Variants in NEBL observed in about 807,000 individuals in gnomAD.
NEBL encodes LIM and SH3 protein 2.
Under a neutral mutation model 140.2 loss-of-function variants are expected in NEBL, and 122 were observed. The ratio of observed to expected loss-of-function variants is 0.87; its 90% CI spans 0.75 to 1.01. The LOEUF is 1.01. NEBL is among the 50% of genes least tolerant of loss of function. NEBL has a pLI of 0.00. For missense variants in NEBL, 1,365 were observed against 1,231.3 expected (o/e 1.11, Z -1.62); for synonymous variants, 436 against 398.9 (o/e 1.09, Z -1.11).
Position 20,845,347 on chromosome 10 carries a change from C to T in NEBL, c.1138G>A (p.Glu380Lys). The change falls in exon 12 of 28, where the codon GAG becomes AAG. Residue 380 changes from glutamate to lysine, a missense_variant. Physicochemically the swap from Glu to Lys is moderately conservative, Grantham distance 56. This residue lies in a region of NEBL where 1,323 missense variants were observed against 1,154.8 expected (regional missense o/e 1.15). Coordinates refer to ENST00000377122, the MANE Select transcript of NEBL (RefSeq NM_006393.3). ...GATGACCTTCCTTTAATCTCCTTCT[C>T]AAAATCCTCTTTGTAAACTTTCTGT... is the stretch of plus-strand genomic sequence containing the variant. ...QSEKVYKEDFEKEIKGRSSLD... is the reference protein window; with the variant it reads ...QSEKVYKEDFKKEIKGRSSLD... 2 of 1,597,982 alleles carry T rather than the reference C, an allele frequency of 1.3e-6. No homozygotes were observed. Among genetic ancestry groups the T allele is most frequent in the Non-Finnish European group, 1.7e-6 (2 of 1,165,906 alleles).
intron 1 of NEBL, among the ~76,000 whole-genome samples, chr10:21,268,445 TG>T: frequency 6.6e-6 from 1 of 152,134 alleles, no homozygotes; most frequent in Admixed American, 6.5e-5. Flanking sequence ...TTCATGCCAC[TG>T]TGCTCCAGCC....
rs1006363 is a variant in NEBL at position 20,819,448 on chromosome 10, C to T, written c.2031G>A (p.Arg677=). Residue 677 remains arginine, a synonymous_variant, in exon 20 of 28, where the codon AGG becomes AGA. Transcript: ENST00000377122. ...VSMTPEIERV[R]RNQEQLSAVK... ...CCGCACTCAGCTGCTCCTGGTTTCG[C>T]CTCACTCTCTCTATCTCCGGGGTCA... 448,344 of 1,613,702 alleles carry T rather than the reference C, an allele frequency of 0.28. 66,367 individuals carry two copies. The highest frequency in any genetic ancestry group is 0.3 in the Non-Finnish European group (359,417 of 1,179,784).
At chr10:20,822,656 T>C (rs1203846508) in intron 19 of NEBL, among the ~76,000 whole-genome samples, 1 of 89,796 alleles carries the variant, frequency 1.1e-5, no homozygotes, top group Non-Finnish European at 2.8e-5. Context: ...ATAGGCTATA[T>C]ATAGATATAT....
chr10:21,059,662 C>T (rs1166956917), intron 2 of NEBL, among the ~76,000 whole-genome samples: 1 of 152,236 alleles, frequency 6.6e-6, no homozygotes, highest in Admixed American at 6.5e-5. Context: ...TATTAAAACT[C>T]AGGTTATTTA....
chr10:21,008,704 T>C (rs531993049), intron 3 of NEBL, among the ~76,000 whole-genome samples: 135 of 152,282 alleles, frequency 8.9e-4, no homozygotes, highest in Non-Finnish European at 9.0e-4. Flanking sequence ...AAACTAGTTA[T>C]TGTTGTTAAT....
At chr10:21,041,303 G>A (rs1277942605) in intron 2 of NEBL, among the ~76,000 whole-genome samples, 1 of 152,118 alleles carries the variant, frequency 6.6e-6, no homozygotes, top group Admixed American at 6.5e-5. Context: ...GAGAACATGC[G>A]GTATTTGGTT....
intron 24 of NEBL, among the ~76,000 whole-genome samples, chr10:20,810,175 T>C (rs1837997270): frequency 6.6e-6 from 1 of 152,192 alleles, no homozygotes; most frequent in African/African-American, 2.4e-5. Flanking sequence ...CTGAAGTACC[T>C]GTGACCCATC....
intron 12 of NEBL, among the ~76,000 whole-genome samples, chr10:20,843,956 C>A (rs946478675): frequency 2.1e-4 from 32 of 152,082 alleles, no homozygotes; most frequent in Non-Finnish European, 4.1e-4. Context: ...AACCTCTCCC[C>A]ATCCTCTCCT....
At chr10:21,004,490 G>A (rs774070554) in intron 3 of NEBL, among the ~76,000 whole-genome samples, 26 of 152,102 alleles carry the variant, frequency 1.7e-4, no homozygotes, top group Non-Finnish European at 2.9e-4. Context: ...GGAGGCCGAG[G>A]CGGGCAGATC....
chr10:21,156,469 T>C (rs1490884459), intron 2 of NEBL, among the ~76,000 whole-genome samples: 2 of 152,178 alleles, frequency 1.3e-5, no homozygotes, highest in African/African-American at 4.8e-5. Context: ...TTAATTCAAT[T>C]GATGGATAAG....
intron 6 of NEBL, among the ~76,000 whole-genome samples, chr10:20,869,122 A>C (rs954069930): frequency 6.6e-6 from 1 of 152,192 alleles, no homozygotes; most frequent in Non-Finnish European, 1.5e-5. Flanking sequence ...ATTCTCAGGA[A>C]CTGTTCTGGC....
chr10:21,061,911 C>A (rs1042028599), intron 2 of NEBL, among the ~76,000 whole-genome samples: 1 of 152,184 alleles, frequency 6.6e-6, no homozygotes, highest in African/African-American at 2.4e-5. Flanking sequence ...TTTAGGTTAA[C>A]ATAAGCTATA....
chr10:21,033,884 G>T (rs1158553729), intron 2 of NEBL, among the ~76,000 whole-genome samples: 1 of 151,846 alleles, frequency 6.6e-6, no homozygotes, highest in Non-Finnish European at 1.5e-5. Context: ...AAAAACACCA[G>T]TCTGGGCACA....
rs746198163 is a variant in NEBL at position 20,780,374 on chromosome 10, C to T, written c.*5373G>A. 2.6e-5 allele frequency: 4 copies of T among 152,206 alleles called. No homozygotes were observed. The highest frequency in any genetic ancestry group is 3.9e-4 in the East Asian group (2 of 5,182). 9.4% of individuals were successfully genotyped at this position (152,206 alleles called of 1,614,324 possible). A position where few individuals can be genotyped will look rare whatever the true frequency, so the allele number is the denominator to read the frequency against. ...AATTAACTACAATGATGCATTGTTG[C>T]GGTACTTTGATATAAAATCAGAAAG... On this transcript the variant is annotated 3_prime_UTR_variant, in exon 28 of 28. Coordinates refer to ENST00000377122, the MANE Select transcript of NEBL (RefSeq NM_006393.3).
intron 3 of NEBL, among the ~76,000 whole-genome samples, chr10:21,208,021 CAG>C (rs1288405204): frequency 1.3e-5 from 2 of 152,152 alleles, no homozygotes; most frequent in Non-Finnish European, 2.9e-5. Flanking sequence ...ACTGAGACAG[CAG>C]AGTTTGCAGC....
intron 3 of NEBL, among the ~76,000 whole-genome samples, chr10:21,234,268 C>G (rs1842317319): frequency 6.6e-6 from 1 of 152,000 alleles, no homozygotes; most frequent in Admixed American, 6.6e-5. Flanking sequence ...GAGGTGGGGT[C>G]TGGTGGGAGG....
chr10:21,197,638 C>T (rs1841672269), intron 3 of NEBL, among the ~76,000 whole-genome samples: 1 of 152,268 alleles, frequency 6.6e-6, no homozygotes, highest in East Asian at 1.9e-4. Flanking sequence ...TCTCTGGCCT[C>T]CTTCCTCATA....
At position 21,167,662 on chromosome 10, in the gene NEBL, T is replaced by A. The variant is rs145229341; in HGVS notation, c.164+4721A>T. Among the ~76,000 whole-genome samples, 24 of 152,358 alleles carry A rather than the reference T, an allele frequency of 1.6e-4. No individual in the cohort carries two copies. In the East Asian group the frequency reaches 4.4e-3, roughly 28 times the overall value. The stretch of plus-strand genomic sequence containing the variant: ...ATTTTGACTTATACACACAACAAAT[T>A]AAATAATTTATTTGACAAATGGTCT... On this transcript the variant is annotated intron_variant, in intron 2 of 6. Coordinates refer to the NEBL transcript ENST00000417816.
chr10:21,256,893 A>C (rs1490798238), intron 1 of NEBL, among the ~76,000 whole-genome samples: 1 of 152,148 alleles, frequency 6.6e-6, no homozygotes, highest in Non-Finnish European at 1.5e-5. Context: ...TCTACATTTG[A>C]CTGCTATCTA....
Sources: allele counts gnomAD v4.1 joint callset (sites outside exome capture counted in the v4.1 genomes callset), GRCh38; gene constraint gnomAD v4.1.1; regional missense constraint gnomAD v4.1.1; transcripts MANE v1.5; gene names NCBI Gene and HGNC (gene_info 2026-07-23, HGNC 2026-07-21).